The following FOXP1 variants were observed in gnomAD, a reference collection of about 807,000 sequenced individuals.
FOXP1 encodes the protein forkhead box protein P1.
A neutral mutation model predicts 98.2 loss-of-function variants in FOXP1; 15 were observed. The observed-to-expected ratio is 0.15, with a 90% CI of 0.10 to 0.24. The LOEUF (loss-of-function observed/expected upper bound fraction) is 0.24, where lower values mean the gene tolerates loss of function less well. Among genes scored for constraint, FOXP1 ranks in the 10% least tolerant of loss-of-function variants. The pLI is 1.00. For missense variants in FOXP1, 633 were observed against 848.5 expected (o/e 0.75, Z 3.15); for synonymous variants, 371 against 314.5 (o/e 1.18, Z -1.90).
chr3:71,191,923 C>G (rs1420678584), intron 6 of FOXP1, among the ~76,000 whole-genome samples: 1 of 152,144 alleles, frequency 6.6e-6, no homozygotes, highest in Non-Finnish European at 1.5e-5. Flanking sequence ...TTGAACTATG[C>G]AAGGTCTTCA....
At chr3:71,042,391 G>A (rs1207707508) in intron 10 of FOXP1, among the ~76,000 whole-genome samples, 1 of 151,996 alleles carries the variant, frequency 6.6e-6, no homozygotes, top group East Asian at 1.9e-4. Flanking sequence ...ACTATTGTGG[G>A]CCTCTTCGTC....
chr3:71,052,485 A>T lies in FOXP1; in HGVS notation c.510+52T>A, dbSNP rs139867428. 86 of 870,086 alleles carry T rather than the reference A, an allele frequency of 9.9e-5. No homozygotes were observed. In the African/African-American group the frequency reaches 1.2e-3, roughly 12 times the overall value. The allele number at this position is 870,086 out of a possible 1,614,324, so 53.9% of individuals were successfully genotyped here. ...GATGAATGACAGTTTAATAGCCACT[A>T]GATAGTCCTCTGGGATCTGTGGTTT... On this transcript the variant is annotated intron_variant, in intron 9 of 20. Transcript: ENST00000649528.
intron 13 of FOXP1, among the ~76,000 whole-genome samples, chr3:70,999,777 A>G (rs1240462185): frequency 6.6e-6 from 1 of 152,252 alleles, no homozygotes; most frequent in East Asian, 1.9e-4. Flanking sequence ...GCTGTAAATG[A>G]CTTAACTCAG....
At chr3:71,403,964 A>G (rs2082114467) in intron 3 of FOXP1, among the ~76,000 whole-genome samples, 1 of 152,134 alleles carries the variant, frequency 6.6e-6, no homozygotes, top group Non-Finnish European at 1.5e-5. Flanking sequence ...GTAAAATTCC[A>G]TTTTATTTGC....
At chr3:71,065,499 G>A (rs2052365242) in intron 7 of FOXP1, 2 of 152,294 alleles carry the variant, frequency 1.3e-5, no homozygotes. Flanking sequence ...CACGTCGGGG[G>A]TTTCACAGAG....
intron 12 of FOXP1, among the ~76,000 whole-genome samples, chr3:71,009,167 G>GGGGGGGGGGGGGGGGGT (rs1559707758): frequency 1.2e-5 from 1 of 84,024 alleles, no homozygotes; most frequent in Non-Finnish European, 3.0e-5. Context: ...GGGGGGGGGG[G>GGGGGGGGGGGGGGGGGT]GCGCATGACA....
chr3:71,262,264 CAAAAAAAAAAAAAAAAAAAAAAAA>C (rs71104433), intron 5 of FOXP1, among the ~76,000 whole-genome samples: 20 of 25,700 alleles, frequency 7.8e-4, no homozygotes, highest in African/African-American at 2.6e-3. Flanking sequence ...GACTCTGTCA[CAAAAAAAAAAAAAAAAAAAAAAAA>C]AAAAAAAAAA....
chr3:71,562,549 T>A (rs555817281), intron 2 of FOXP1, among the ~76,000 whole-genome samples: 1 of 152,268 alleles, frequency 6.6e-6, no homozygotes, highest in East Asian at 1.9e-4. Context: ...GCTAATATTA[T>A]TGACCTTTCA....
chr3:71,210,882 T>G (rs2064405077), intron 5 of FOXP1: 1 of 152,228 alleles, frequency 6.6e-6, no homozygotes, highest in African/African-American at 2.4e-5. Context: ...TGTCCAGTTC[T>G]CCTGAGCTTC....
chr3:71,513,400 G>C (rs1032813736), intron 2 of FOXP1, among the ~76,000 whole-genome samples: 3 of 151,984 alleles, frequency 2.0e-5, no homozygotes, highest in Non-Finnish European at 2.9e-5. Flanking sequence ...CATAGAGTCT[G>C]CCTTCAAAAC....
intron 6 of FOXP1, among the ~76,000 whole-genome samples, chr3:71,196,984 A>G (rs552987047): frequency 6.6e-4 from 101 of 152,302 alleles, no homozygotes; most frequent in Non-Finnish European, 1.1e-3. Flanking sequence ...CCACAGGCTC[A>G]TGTTGGTTCC....
At chr3:71,130,658 C>T in intron 6 of FOXP1, 24 of 1,595,562 alleles carry the variant, frequency 1.5e-5, no homozygotes, top group Non-Finnish European at 1.8e-5. Context: ...CTGAAGCACA[C>T]TCGAAGAGAA....
intron 10 of FOXP1, among the ~76,000 whole-genome samples, chr3:71,044,457 G>T (rs2048757804): frequency 6.6e-6 from 1 of 151,810 alleles, no homozygotes; most frequent in African/African-American, 2.4e-5. Flanking sequence ...AAAACAGAAA[G>T]AAGACCCTAC....
At chr3:71,566,759 C>G (rs2046943187) in intron 2 of FOXP1, among the ~76,000 whole-genome samples, 1 of 152,172 alleles carries the variant, frequency 6.6e-6, no homozygotes, top group Admixed American at 6.5e-5. Flanking sequence ...TTTGAAAGAG[C>G]ACCCTCCTGA....
intron 7 of FOXP1, among the ~76,000 whole-genome samples, chr3:71,076,536 CG>C (rs2053829075): frequency 1.3e-5 from 2 of 152,098 alleles, no homozygotes; most frequent in African/African-American, 4.8e-5. Flanking sequence ...TGGAATGGCA[CG>C]TGCCAACATT....
intron 13 of FOXP1, among the ~76,000 whole-genome samples, chr3:70,991,781 C>A (rs2040638685): frequency 6.6e-6 from 1 of 152,084 alleles, no homozygotes; most frequent in African/African-American, 2.4e-5. Context: ...CTGAGGTTTG[C>A]AAGGTAAACA....
chr3:71,212,539 A>C (rs2064563366), intron 5 of FOXP1, among the ~76,000 whole-genome samples: 1 of 152,188 alleles, frequency 6.6e-6, no homozygotes, highest in Admixed American at 6.5e-5. Context: ...TCCAACAATG[A>C]GCCTCCCATC....
At chr3:71,579,954 T>C (rs1217535122) in intron 2 of FOXP1, among the ~76,000 whole-genome samples, 2 of 152,138 alleles carry the variant, frequency 1.3e-5, no homozygotes, top group South Asian at 2.1e-4. Context: ...GAGTATTTCC[T>C]TCCAAGTGAG....
At position 70,958,737 on chromosome 3, in the gene FOXP1, CAAAAAAAAAAAAAAA is replaced by C. The variant is rs10633687; in HGVS notation, c.*495_*509del. 1.7e-3 allele frequency: 42 copies of C among 24,056 alleles called. No homozygotes were observed. The highest frequency in any genetic ancestry group is 4.4e-3 in the African/African-American group (28 of 6,314). The allele number at this position is 24,056 out of a possible 1,614,324, so 1.5% of individuals were successfully genotyped here. ...AGGCCTTCCCCATCCCAACTGGAAGCAAAAAAAAAAAAAAAAAAAAAAAAAAAAAAGGAGTAAAGG... is the reference window on the plus strand; with the variant it reads ...AGGCCTTCCCCATCCCAACTGGAAGCAAAAAAAAAAAAAAAGGAGTAAAGG... On this transcript the variant is annotated 3_prime_UTR_variant, in exon 21 of 21. Coordinates refer to ENST00000649528, the MANE Select transcript of FOXP1 (RefSeq NM_001349338.3).
Sources: allele counts gnomAD v4.1 joint callset (sites outside exome capture counted in the v4.1 genomes callset), GRCh38; gene constraint gnomAD v4.1.1; transcripts MANE v1.5; gene names NCBI Gene and HGNC (gene_info 2026-07-23, HGNC 2026-07-21).